Variants in MITF observed in about 807,000 individuals in gnomAD.
MITF encodes the protein melanocyte inducing transcription factor.
Under a neutral mutation model 60.5 loss-of-function variants are expected in MITF, and 17 were observed. The observed-to-expected ratio is 0.28, with a 90% confidence interval of 0.19 to 0.42. The LOEUF is 0.42. Ranked by LOEUF, MITF falls within the 10% of genes least tolerant of loss-of-function variation. The pLI is 1.00. For missense variants in MITF, 622 were observed against 683.5 expected, an observed-to-expected ratio of 0.91 and a Z score of 1.00; for synonymous variants, 260 against 248.5, an observed-to-expected ratio of 1.05 and a Z score of -0.43.
chr3:69,899,569 G>A (rs188995237), intron 2 of MITF, among the ~76,000 whole-genome samples: 59 of 152,282 alleles, frequency 3.9e-4, no homozygotes, highest in African/African-American at 1.4e-3. Context: ...GCACGGAGAA[G>A]GATTCTCATC....
At chr3:69,938,430 A>G (rs1212682739) in intron 3 of MITF, 8 of 1,530,432 alleles carry the variant, frequency 5.2e-6, no homozygotes, top group Non-Finnish European at 7.0e-6. Context: ...GGTGTGGGAC[A>G]TGCTGTTTAG....
At chr3:69,941,019 T>A (rs1193868111) in intron 4 of MITF, among the ~76,000 whole-genome samples, 1 of 152,238 alleles carries the variant, frequency 6.6e-6, no homozygotes, top group African/African-American at 2.4e-5. Flanking sequence ...CATTAAATGC[T>A]GGCTACAAGT....
chr3:69,769,145 C>T (rs2062351604), intron 1 of MITF, among the ~76,000 whole-genome samples: 1 of 152,134 alleles, frequency 6.6e-6, no homozygotes, highest in African/African-American at 2.4e-5. Context: ...TGTTGTACTA[C>T]TGTATGACAT....
At chr3:69,899,164 G>A (rs954867887) in intron 2 of MITF, among the ~76,000 whole-genome samples, 2 of 152,212 alleles carry the variant, frequency 1.3e-5, no homozygotes, top group African/African-American at 2.4e-5. Flanking sequence ...ATAGGTGTGA[G>A]CTTTGTGAAA....
At chr3:69,844,768 CT>C (rs34297927) in intron 1 of MITF, among the ~76,000 whole-genome samples, 17 of 149,752 alleles carry the variant, frequency 1.1e-4, no homozygotes, top group East Asian at 3.9e-4. Flanking sequence ...ACTTAAACAG[CT>C]TTTTTTTTTC....
At chr3:69,833,965 G>C (rs1375809891) in intron 1 of MITF, among the ~76,000 whole-genome samples, 1 of 152,174 alleles carries the variant, frequency 6.6e-6, no homozygotes, top group Non-Finnish European at 1.5e-5. Flanking sequence ...ATTAAATATG[G>C]ATACTCAGTG....
chr3:69,807,337 A>G (rs1293346147), intron 1 of MITF, among the ~76,000 whole-genome samples: 1 of 152,172 alleles, frequency 6.6e-6, no homozygotes, highest in East Asian at 1.9e-4. Flanking sequence ...CTTTAATCTG[A>G]TTAATGGGGA....
chr3:69,808,972 C>T (rs979155583), intron 1 of MITF, among the ~76,000 whole-genome samples: 2 of 151,946 alleles, frequency 1.3e-5, no homozygotes, highest in Non-Finnish European at 2.9e-5. Flanking sequence ...AGTGGCTTTG[C>T]ATTAATCCAA....
intron 1 of MITF, among the ~76,000 whole-genome samples, chr3:69,757,078 G>T (rs1342312880): frequency 1.3e-5 from 2 of 152,036 alleles, no homozygotes; most frequent in African/African-American, 2.4e-5. Context: ...CCATTCTGTA[G>T]ATTGTGTGGC....
chr3:69,847,584 A>G (rs1426557515), intron 1 of MITF, among the ~76,000 whole-genome samples: 1 of 152,220 alleles, frequency 6.6e-6, no homozygotes, highest in Admixed American at 6.5e-5. Flanking sequence ...AAGGATAACT[A>G]GCAGTTACAG....
chr3:69,905,337 G>A (rs190518386), intron 2 of MITF, among the ~76,000 whole-genome samples: 200 of 151,706 alleles, frequency 1.3e-3, no homozygotes, highest in Middle Eastern at 3.4e-3. Context: ...ATTGCCAACT[G>A]TATTCTTTTA....
At chr3:69,799,815 CA>C (rs1416534577) in intron 1 of MITF, among the ~76,000 whole-genome samples, 1 of 152,078 alleles carries the variant, frequency 6.6e-6, no homozygotes, top group African/African-American at 2.4e-5. Flanking sequence ...CTGAAGAGAG[CA>C]GGGGGGTTTT....
chr3:69,934,654 C>A (rs2065792776), intron 2 of MITF, among the ~76,000 whole-genome samples: 1 of 152,102 alleles, frequency 6.6e-6, no homozygotes, highest in Non-Finnish European at 1.5e-5. Flanking sequence ...AGAATCTGAA[C>A]CCAGGTTTCA....
chr3:69,817,146 C>A (rs551505596), intron 1 of MITF, among the ~76,000 whole-genome samples: 7 of 152,146 alleles, frequency 4.6e-5, no homozygotes, highest in African/African-American at 7.2e-5. Context: ...TAAAAGTGAA[C>A]CTGATTATAT....
intron 8 of MITF, among the ~76,000 whole-genome samples, chr3:69,957,158 T>A (rs1006985137): frequency 1.3e-5 from 2 of 152,178 alleles, no homozygotes; most frequent in African/African-American, 4.8e-5. Flanking sequence ...AAGATGATTT[T>A]CTCAAGTCTT....
At chr3:69,939,674 A>G (rs2065925769) in intron 4 of MITF, among the ~76,000 whole-genome samples, 1 of 152,184 alleles carries the variant, frequency 6.6e-6, no homozygotes, top group Admixed American at 6.5e-5. Flanking sequence ...TATATAAATT[A>G]TGCTATATCT....
intron 1 of MITF, among the ~76,000 whole-genome samples, chr3:69,841,341 C>A (rs1329243788): frequency 6.6e-6 from 1 of 152,140 alleles, no homozygotes; most frequent in Admixed American, 6.5e-5. Flanking sequence ...TCAAACACAT[C>A]TTTGTTTTGT....
At chr3:69,900,008 G>A (rs961897442) in intron 2 of MITF, among the ~76,000 whole-genome samples, 19 of 152,102 alleles carry the variant, frequency 1.2e-4, no homozygotes, top group Non-Finnish European at 2.4e-4. Context: ...CAGATTTGAT[G>A]AATAGAGAAA....
rs2066406195 is a variant in MITF at position 69,956,640 on chromosome 3, C to T, written c.1031+110C>T. The T allele has an allele frequency of 5.8e-6, 5 of 858,460 alleles. No homozygotes were observed. In the Middle Eastern group the frequency reaches 9.5e-4, roughly 163 times the overall value. 53.2% of individuals were successfully genotyped at this position (858,460 alleles called of 1,614,324 possible). ...AAACTAAAGTAAAGAAGTCTCCCCT[C>T]TCCCTTTGGTTCTATTCCTAAATTC... On this transcript the variant is annotated intron_variant, in intron 8 of 9. Coordinates refer to ENST00000352241, the MANE Select transcript of MITF (RefSeq NM_001354604.2).
Sources: allele counts gnomAD v4.1 joint callset (sites outside exome capture counted in the v4.1 genomes callset), GRCh38; gene constraint gnomAD v4.1.1; transcripts MANE v1.5; gene names NCBI Gene and HGNC (gene_info 2026-07-23, HGNC 2026-07-21).